The following BCKDHB variants were observed in gnomAD, a reference collection of about 807,000 sequenced individuals.
The protein encoded by BCKDHB is 2-oxoisovalerate dehydrogenase subunit beta, mitochondrial.
A neutral mutation model predicts 48.5 loss-of-function variants in BCKDHB; 41 were observed. That is an observed-to-expected ratio of 0.85 (90% CI 0.66 to 1.10). The LOEUF (loss-of-function observed/expected upper bound fraction) is 1.10. Ranked by LOEUF, BCKDHB falls within the 50% of genes least tolerant of loss-of-function variation. BCKDHB has a pLI of 0.00. For missense variants in BCKDHB, 496 were observed against 494.2 expected (o/e 1.00, Z -0.03); for synonymous variants, 201 against 174.8 (o/e 1.15, Z -1.18).
At chr6:80,272,938 A>G (rs563589042) in intron 8 of BCKDHB, among the ~76,000 whole-genome samples, 197 bp from the exon 9 acceptor site, 8 of 152,294 alleles carry the variant, frequency 5.3e-5, no homozygotes, top group African/African-American at 1.7e-4. Flanking sequence ...ACCATATTGA[A>G]AAAAATTTTA....
At chr6:80,277,139 A>G (rs1259041851) in intron 9 of BCKDHB, among the ~76,000 whole-genome samples, 1 of 152,062 alleles carries the variant, frequency 6.6e-6, no homozygotes, top group African/African-American at 2.4e-5. Flanking sequence ...GGAGTCATGA[A>G]TTGTGCACCG....
At chr6:80,134,943 G>A (rs1477529852) in intron 3 of BCKDHB, among the ~76,000 whole-genome samples, 2 of 151,858 alleles carry the variant, frequency 1.3e-5, no homozygotes, top group South Asian at 2.1e-4. Context: ...GTAGAGATGG[G>A]GTTTCATCAT....
chr6:80,180,693 T>A (rs1285449252), intron 6 of BCKDHB, among the ~76,000 whole-genome samples: 1 of 152,214 alleles, frequency 6.6e-6, no homozygotes, highest in African/African-American at 2.4e-5. Flanking sequence ...TAATTGTGTA[T>A]GAATTCATAT....
the BCKDHB span, among the ~76,000 whole-genome samples, chr6:80,459,381 G>A: frequency 6.6e-6 from 1 of 152,082 alleles, no homozygotes; most frequent in South Asian, 2.1e-4. Context: ...ACCAGCCACC[G>A]AAATACAAAG....
At chr6:80,181,204 A>C (rs1773396517) in intron 6 of BCKDHB, among the ~76,000 whole-genome samples, 1 of 152,212 alleles carries the variant, frequency 6.6e-6, no homozygotes, top group African/African-American at 2.4e-5. Context: ...AACTACAGTG[A>C]GGTAGTTCTG....
downstream of BCKDHB, among the ~76,000 whole-genome samples, chr6:80,348,604 G>A (rs1770307995): frequency 6.6e-6 from 1 of 152,172 alleles, no homozygotes; most frequent in South Asian, 2.1e-4. Flanking sequence ...ACTCAGCCTT[G>A]TCGATGACAC....
At chr6:80,368,781 C>T in the BCKDHB span, among the ~76,000 whole-genome samples, 37 of 152,052 alleles carry the variant, frequency 2.4e-4, no homozygotes, top group Middle Eastern at 3.4e-3. Flanking sequence ...GAGGCCGAGG[C>T]GGGCGGATCA....
At chr6:80,420,496 GT>G in the BCKDHB span, among the ~76,000 whole-genome samples, 1 of 152,174 alleles carries the variant, frequency 6.6e-6, no homozygotes, top group Non-Finnish European at 1.5e-5. Flanking sequence ...AAATGTTAAA[GT>G]TTGTACCTTC....
At chr6:80,262,120 C>G (rs896900456) in intron 8 of BCKDHB, among the ~76,000 whole-genome samples, 2 of 152,080 alleles carry the variant, frequency 1.3e-5, no homozygotes, top group African/African-American at 4.8e-5. Context: ...GTTTTTCTGC[C>G]ACTGAGCTAG....
chr6:80,340,712 T>C (rs958319326), intron 9 of BCKDHB, among the ~76,000 whole-genome samples: 1 of 152,012 alleles, frequency 6.6e-6, no homozygotes, highest in African/African-American at 2.4e-5. Flanking sequence ...GTATTTATAA[T>C]GGAGAGATAC....
At chr6:80,428,769 T>A in the BCKDHB span, among the ~76,000 whole-genome samples, 2,521 of 152,316 alleles carry the variant, frequency 0.017, 65 homozygotes, top group African/African-American at 0.058. Context: ...TTCTGGATAT[T>A]AGCCCTTTGT....
At chr6:80,157,162 C>G (rs1772083527) in intron 3 of BCKDHB, among the ~76,000 whole-genome samples, 1 of 151,844 alleles carries the variant, frequency 6.6e-6, no homozygotes, top group African/African-American at 2.4e-5. Flanking sequence ...ATTTCATTTT[C>G]TATGGGTTGC....
At chr6:80,335,157 T>C (rs1198507302) in intron 9 of BCKDHB, among the ~76,000 whole-genome samples, 1 of 151,042 alleles carries the variant, frequency 6.6e-6, no homozygotes, top group Non-Finnish European at 1.5e-5. Flanking sequence ...GTCTGGTTGC[T>C]TTAGCCAGGA....
chr6:80,182,693 A>T (rs1295216813), intron 6 of BCKDHB, among the ~76,000 whole-genome samples: 3 of 152,174 alleles, frequency 2.0e-5, no homozygotes, highest in Non-Finnish European at 4.4e-5. Flanking sequence ...ATTTACTTCC[A>T]TGTAAACAGA....
chr6:80,351,645 C>CTTTTTTTTTT, the BCKDHB span, among the ~76,000 whole-genome samples: 1 of 122,070 alleles, frequency 8.2e-6, no homozygotes, highest in Non-Finnish European at 1.6e-5. Flanking sequence ...TTTTTTTTTT[C>CTTTTTTTTTT]TTTTTTTTTT....
chr6:80,156,968 A>C (rs991231763), intron 3 of BCKDHB, among the ~76,000 whole-genome samples: 2 of 152,056 alleles, frequency 1.3e-5, no homozygotes, highest in African/African-American at 4.8e-5. Flanking sequence ...ATAAATGCTA[A>C]GTTTTGTTTT....
At chr6:80,277,538 G>A (rs1333855599) in intron 9 of BCKDHB, among the ~76,000 whole-genome samples, 2 of 151,824 alleles carry the variant, frequency 1.3e-5, no homozygotes, top group Non-Finnish European at 2.9e-5. Flanking sequence ...AACAAATCCT[G>A]AGTCTGATAA....
chr6:80,362,418 T>C, the BCKDHB span, among the ~76,000 whole-genome samples: 52,009 of 152,036 alleles, frequency 0.34, 9,610 homozygotes, highest in East Asian at 0.56. Flanking sequence ...AATGAGCTGC[T>C]CAGTGTAGTC....
the BCKDHB span, among the ~76,000 whole-genome samples, chr6:80,457,067 T>C: frequency 6.6e-6 from 1 of 152,220 alleles, no homozygotes; most frequent in African/African-American, 2.4e-5. Flanking sequence ...TGTGAACTTA[T>C]GTGACACACT....
Sources: allele counts gnomAD v4.1 joint callset (sites outside exome capture counted in the v4.1 genomes callset), GRCh38; gene constraint gnomAD v4.1.1; transcripts MANE v1.5; gene names NCBI Gene and HGNC (gene_info 2026-07-23, HGNC 2026-07-21).